KANK1: variants seen among roughly 807,000 people sequenced by gnomAD.
KANK1 encodes the protein KN motif and ankyrin repeat domain-containing protein 1.
A neutral mutation model predicts 106.2 loss-of-function variants in KANK1; 109 were observed. That is an observed-to-expected ratio of 1.03 (90% CI 0.88 to 1.20). KANK1 has a LOEUF of 1.20. KANK1 is among the 50% of genes most tolerant of loss of function. The pLI, the probability that KANK1 is intolerant of heterozygous loss-of-function variation, is 0.00. For synonymous variants in KANK1, 873 were observed against 652.2 expected (o/e 1.34, Z -5.16); for missense variants, 2,399 against 1,710.7 (o/e 1.40, Z -7.10).
At chr9:649,362 C>A (rs577851766) in intron 1 of KANK1, among the ~76,000 whole-genome samples, 169 of 152,098 alleles carry the variant, frequency 1.1e-3, no homozygotes, top group Non-Finnish European at 2.0e-3. Flanking sequence ...CAATTTGGAC[C>A]TCACCTTATC....
chr9:691,527 C>CT (rs1819905450), intron 2 of KANK1, among the ~76,000 whole-genome samples: 1 of 149,638 alleles, frequency 6.7e-6, no homozygotes, highest in East Asian at 2.0e-4. Flanking sequence ...TCCCAAAGTG[C>CT]TAGGATTGCG....
chr9:676,350 G>T (rs774401200), intron 1 of KANK1, among the ~76,000 whole-genome samples: 1 of 152,200 alleles, frequency 6.6e-6, no homozygotes, highest in African/African-American at 2.4e-5. Flanking sequence ...AGAGGAGGAG[G>T]ACTGACTGGA....
At chr9:741,730 A>G (rs10118044) in intron 9 of KANK1, among the ~76,000 whole-genome samples, 69,679 of 151,598 alleles carry the variant, frequency 0.46, 17,553 homozygotes, top group Non-Finnish European at 0.58. Flanking sequence ...CTCATGATCC[A>G]CCTGACTCAG....
chr9:628,500 A>G (rs1313299748), intron 1 of KANK1, among the ~76,000 whole-genome samples: 1 of 152,154 alleles, frequency 6.6e-6, no homozygotes, highest in African/African-American at 2.4e-5. Flanking sequence ...ATGGAAGTTC[A>G]TTTCTTCAGT....
intron 1 of KANK1, among the ~76,000 whole-genome samples, chr9:552,634 A>G (rs1419721530): frequency 6.6e-6 from 1 of 152,178 alleles, no homozygotes; most frequent in Non-Finnish European, 1.5e-5. Context: ...GCCCTGCCAA[A>G]ATGTAATTTC....
At chr9:656,399 T>C (rs1464015573) in intron 1 of KANK1, among the ~76,000 whole-genome samples, 1 of 152,166 alleles carries the variant, frequency 6.6e-6, no homozygotes, top group African/African-American at 2.4e-5. Flanking sequence ...TTAGAGGCTA[T>C]GAAAGTGTCC....
chr9:650,449 A>G (rs968869728), intron 1 of KANK1, among the ~76,000 whole-genome samples: 1 of 152,318 alleles, frequency 6.6e-6, no homozygotes, highest in African/African-American at 2.4e-5. Context: ...GACTCTTGTT[A>G]TGTAGATTCT....
At chr9:716,068 G>A (rs777976001) in intron 3 of KANK1, among the ~76,000 whole-genome samples, 2 of 152,148 alleles carry the variant, frequency 1.3e-5, no homozygotes, top group Non-Finnish European at 2.9e-5. Context: ...CTCAATGTTT[G>A]TTTTCCCCAA....
Position 596,653 on chromosome 9 carries a change from G to A in KANK1, c.-83-80237G>A, listed in dbSNP as rs148474368. On this transcript the variant is annotated intron_variant, in intron 1 of 11. Coordinates refer to ENST00000382297, the MANE Select transcript of KANK1 (RefSeq NM_015158.5). ...TCTCGTTATGTCATGGTAAAGTAAT[G>A]AAGTCCACCATCATTACTTTACCAG... Among the ~76,000 whole-genome samples, 67 of 151,872 alleles carry A rather than the reference G, an allele frequency of 4.4e-4. 1 individual carries two copies. The East Asian group carries it at 0.012, about 28-fold the overall frequency.
intron 1 of KANK1, among the ~76,000 whole-genome samples, chr9:638,527 G>A (rs944819392): frequency 1.3e-5 from 2 of 152,152 alleles, no homozygotes; most frequent in African/African-American, 4.8e-5. Flanking sequence ...CCTGGCCACT[G>A]GGGCTCGAGT....
rs951070181 is a variant in KANK1, at chr9:741,075, A to G, written c.3696+141A>G. 3.6e-6 allele frequency: 3 copies of G among 823,528 alleles called. No homozygotes were observed. The Admixed American group carries it at 9.1e-5, about 25-fold the overall frequency. The allele number at this position is 823,528 out of a possible 1,614,324, so 51.0% of individuals were successfully genotyped here. ...TTGCAGGCCTGCCCTGAGTCCATAC[A>G]CTGCCTGGCACTCCTTGCTGACCAA... On this transcript the variant is annotated intron_variant, in intron 9 of 11. Transcript: ENST00000382297.
At chr9:684,405 G>A (rs1449683661) in intron 2 of KANK1, 1 of 985,096 alleles carries the variant, frequency 1.0e-6, no homozygotes, top group African/African-American at 1.7e-5. Flanking sequence ...AAGAAAGAAA[G>A]AAAAAAACAC....
intron 3 of KANK1, among the ~76,000 whole-genome samples, chr9:497,968 C>T (rs369987062): frequency 6.6e-6 from 1 of 152,138 alleles, no homozygotes; most frequent in East Asian, 1.9e-4. Context: ...GGATCTCTCG[C>T]TGGGGTGTCT....
intron 1 of KANK1, among the ~76,000 whole-genome samples, chr9:554,298 G>A (rs2061450720): frequency 6.6e-6 from 1 of 152,284 alleles, no homozygotes; most frequent in South Asian, 2.1e-4. Flanking sequence ...AGAACCAGGT[G>A]CGCTGATGTC....
At chr9:650,809 G>T (rs927123441) in intron 1 of KANK1, among the ~76,000 whole-genome samples, 1 of 152,094 alleles carries the variant, frequency 6.6e-6, no homozygotes, top group South Asian at 2.1e-4. Context: ...AAATGTTGCA[G>T]TCCATGGATT....
rs896193784 is a variant in KANK1 at position 581,198 on chromosome 9, C to T, written c.-84+76444C>T. Among the ~76,000 whole-genome samples the T allele has an allele frequency of 4.6e-5, 7 of 152,330 alleles. No homozygotes were observed. In the East Asian group the frequency reaches 5.8e-4, roughly 13 times the overall value. ...AAGCAGAGGGAGCCGGCTCCGGCCT[C>T]GGCCAGCCCAGAGAGGGGCTCCCAC... On this transcript the variant is annotated intron_variant, in intron 1 of 11. Coordinates refer to ENST00000382297, the MANE Select transcript of KANK1 (RefSeq NM_015158.5).
At chr9:548,898 G>T (rs184133538) in intron 1 of KANK1, among the ~76,000 whole-genome samples, 1 of 152,140 alleles carries the variant, frequency 6.6e-6, no homozygotes, top group African/African-American at 2.4e-5. Flanking sequence ...GGGCAGCATA[G>T]TAACACCCTA....
intron 1 of KANK1, among the ~76,000 whole-genome samples, chr9:567,473 C>A (rs942860395): frequency 2.0e-5 from 3 of 152,210 alleles, no homozygotes; most frequent in Non-Finnish European, 4.4e-5. Context: ...GTTAGCTTTG[C>A]CCATGCCCAG....
intron 1 of KANK1, among the ~76,000 whole-genome samples, chr9:534,961 C>CAG (rs2060229817): frequency 1.3e-5 from 2 of 152,270 alleles, no homozygotes; most frequent in South Asian, 4.2e-4. Context: ...GGTAAGAAGC[C>CAG]AGACCAGAGA....
Sources: allele counts gnomAD v4.1 joint callset (sites outside exome capture counted in the v4.1 genomes callset), GRCh38; gene constraint gnomAD v4.1.1; transcripts MANE v1.5; gene names NCBI Gene and HGNC (gene_info 2026-07-23, HGNC 2026-07-21).